Variants in PCGF3 observed in about 807,000 individuals in gnomAD.
PCGF3 encodes polycomb group RING finger protein 3.
Under a neutral mutation model 33.1 loss-of-function variants are expected in PCGF3, and 7 were observed. The observed-to-expected ratio is 0.21, with a 90% CI of 0.12 to 0.40. The LOEUF (loss-of-function observed/expected upper bound fraction) is 0.40, where lower values mean the gene tolerates loss of function less well. Ranked by LOEUF, PCGF3 falls within the 10% of genes least tolerant of loss-of-function variation. PCGF3 has a pLI of 1.00. For missense variants in PCGF3, 211 were observed against 313.3 expected (o/e 0.67, Z 2.46); for synonymous variants, 153 against 121.3 (o/e 1.26, Z -1.72).
chr4:763,800 G>A (rs575859053), intron 9 of PCGF3, among the ~76,000 whole-genome samples: 155 of 152,320 alleles, frequency 1.0e-3, no homozygotes, highest in Middle Eastern at 6.8e-3. Context: ...ACCTGGAAGC[G>A]ACCAAGATGC....
rs922436306 is a variant in PCGF3 at position 743,721 on chromosome 4, G to A, written c.373+137G>A. 5 of 610,194 alleles carry A rather than the reference G, an allele frequency of 8.2e-6. No individual in the cohort carries two copies. The East Asian group carries it at 1.4e-4, about 17-fold the overall frequency. The allele number at this position is 610,194 out of a possible 1,614,324, so 37.8% of individuals were successfully genotyped here. A position where few individuals can be genotyped will look rare whatever the true frequency, so the allele number is the denominator to read the frequency against. ...GTGGGGGAACCTGAGGGTGTGGGGCGGTTAGGGTTCAAGGCGTTCCTCCTC... is the reference window on the plus strand; with the variant it reads ...GTGGGGGAACCTGAGGGTGTGGGGCAGTTAGGGTTCAAGGCGTTCCTCCTC... On this transcript the variant is annotated intron_variant, in intron 7 of 10. Coordinates refer to ENST00000362003, the Ensembl canonical transcript of PCGF3.
chr4:732,985 C>G (rs1201504570), intron 3 of PCGF3, among the ~76,000 whole-genome samples: 1 of 151,712 alleles, frequency 6.6e-6, no homozygotes, highest in African/African-American at 2.4e-5. Context: ...CGGCAGCTGT[C>G]AAGGCAGGGC....
chr4:753,390 C>A (rs1039042143), intron 8 of PCGF3, among the ~76,000 whole-genome samples: 1 of 152,150 alleles, frequency 6.6e-6, no homozygotes, highest in Non-Finnish European at 1.5e-5. Flanking sequence ...TGCGGTGGCT[C>A]ACGCCCGTAA....
At chr4:766,581 A>G (rs1034715568) in exon 11 of PCGF3, 4 of 152,410 alleles carry the variant, frequency 2.6e-5, no homozygotes, top group South Asian at 4.1e-4. Context: ...GAAGTTATAT[A>G]AAAAATTAAT....
At chr4:729,764 G>T (rs1009449725) in intron 1 of PCGF3, among the ~76,000 whole-genome samples, 6 of 152,230 alleles carry the variant, frequency 3.9e-5, no homozygotes, top group Non-Finnish European at 8.8e-5. Context: ...TGGGAAACCG[G>T]AAGAGTAGAA....
intron 4 of PCGF3, chr4:734,226 C>T (rs1743740035): frequency 1.3e-6 from 2 of 1,507,244 alleles, no homozygotes; most frequent in East Asian, 5.0e-5. Context: ...GGGGCTGGAC[C>T]TGAGTGTTTT....
At chr4:723,121 C>T (rs1422142872) in intron 1 of PCGF3, among the ~76,000 whole-genome samples, 8 of 150,974 alleles carry the variant, frequency 5.3e-5, no homozygotes, top group Non-Finnish European at 1.2e-4. Context: ...CATCGCCGTC[C>T]GTGCCGGGTC....
Position 732,373 on chromosome 4 carries a change from T to G in PCGF3, c.-10+1263T>G, listed in dbSNP as rs537279134. On this transcript the variant is annotated intron_variant, in intron 3 of 10. Transcript: ENST00000362003. ...TCCCTTCCCCTCCCCTCCCTTCTCC[T>G]TCCCCTCCCTCTCCCTTCCTGGGCA... The G allele has an allele frequency of 4.4e-3, 622 of 141,648 alleles. 4 individuals are homozygous for G. The highest frequency in any genetic ancestry group is 7.3e-3 in the Non-Finnish European group (474 of 65,188). The allele number at this position is 141,648 out of a possible 1,614,324, so 8.8% of individuals were successfully genotyped here.
At chr4:709,626 C>T (rs570108161) in intron 1 of PCGF3, among the ~76,000 whole-genome samples, 4 of 152,342 alleles carry the variant, frequency 2.6e-5, no homozygotes, top group Middle Eastern at 3.4e-3. Flanking sequence ...ATTAGGCGTG[C>T]GGGCTTGCCT....
intron 8 of PCGF3, among the ~76,000 whole-genome samples, chr4:752,449 G>A (rs952789798): frequency 5.3e-5 from 8 of 152,192 alleles, no homozygotes; most frequent in African/African-American, 1.7e-4. Flanking sequence ...AGCAGCCGGC[G>A]GGTTTCATGG....
chr4:716,175 G>T (rs372335896), intron 1 of PCGF3, among the ~76,000 whole-genome samples: 3,382 of 91,912 alleles, frequency 0.037, 717 homozygotes, highest in Non-Finnish European at 0.053. Context: ...ACTGGGCGTC[G>T]GTGCTGGAAC....
chr4:725,874 G>A (rs146638819), intron 1 of PCGF3, among the ~76,000 whole-genome samples: 1,554 of 152,236 alleles, frequency 0.01, 28 homozygotes, highest in Non-Finnish European at 0.014. Context: ...TCCTGGAACC[G>A]CCTCAGTTTC....
At chr4:747,701 G>A (rs1237237420) in intron 8 of PCGF3, among the ~76,000 whole-genome samples, 1 of 151,964 alleles carries the variant, frequency 6.6e-6, no homozygotes, top group African/African-American at 2.4e-5. Flanking sequence ...GTGGAGGCGT[G>A]AGCAGGTGGG....
At chr4:760,078 T>C (rs1259529520) in intron 8 of PCGF3, among the ~76,000 whole-genome samples, 2 of 152,224 alleles carry the variant, frequency 1.3e-5, no homozygotes, top group Non-Finnish European at 2.9e-5. Context: ...TCTCTTGCTT[T>C]TTGCACAGAA....
intron 1 of PCGF3, among the ~76,000 whole-genome samples, chr4:726,958 T>C (rs2109575739): frequency 6.6e-6 from 1 of 152,318 alleles, no homozygotes; most frequent in African/African-American, 2.4e-5. Context: ...GCCTGTGTCC[T>C]CCCACCAGAC....
intron 6 of PCGF3, among the ~76,000 whole-genome samples, chr4:740,391 C>T (rs1342001385): frequency 6.6e-6 from 1 of 152,158 alleles, no homozygotes; most frequent in Non-Finnish European, 1.5e-5. Context: ...ATTTTAGAAA[C>T]CTGTCTTCGT....
chr4:755,001 G>A (rs932732204), intron 8 of PCGF3, among the ~76,000 whole-genome samples: 1 of 152,204 alleles, frequency 6.6e-6, no homozygotes, highest in African/African-American at 2.4e-5. Context: ...AGTGTTCCCA[G>A]GCAGGCCGAT....
chr4:734,966 A>G (rs755855038), exon 5 of PCGF3: 1 of 1,613,718 alleles, frequency 6.2e-7, no homozygotes, highest in South Asian at 1.1e-5. Flanking sequence ...CCTGGAGGAG[A>G]ACAACACCTG....
chr4:748,011 G>A (rs556376975), intron 8 of PCGF3, among the ~76,000 whole-genome samples: 45 of 152,252 alleles, frequency 3.0e-4, no homozygotes, highest in African/African-American at 1.1e-3. Flanking sequence ...CTCCGGGCGC[G>A]TCTCTGTGCT....
Sources: allele counts gnomAD v4.1 joint callset (sites outside exome capture counted in the v4.1 genomes callset), GRCh38; gene constraint gnomAD v4.1.1; transcripts MANE v1.5; gene names NCBI Gene and HGNC (gene_info 2026-07-23, HGNC 2026-07-21).